The following NFIB variants were observed in gnomAD, a reference collection of about 807,000 sequenced individuals.
NFIB encodes the protein nuclear factor 1 B-type.
NFIB carries 11 observed loss-of-function variants against 61.5 expected under a neutral mutation model. That is an observed-to-expected ratio of 0.18 (90% CI 0.11 to 0.30). The LOEUF is 0.30. Ranked by LOEUF, NFIB falls within the 10% of genes least tolerant of loss-of-function variation. The pLI is 1.00. For synonymous variants in NFIB, 260 were observed against 216.5 expected (o/e 1.20, Z -1.76); for missense variants, 471 against 608.9 (o/e 0.77, Z 2.38).
At chr9:14,210,619 T>C (rs2050207782) in intron 2 of NFIB, among the ~76,000 whole-genome samples, 2 of 151,968 alleles carry the variant, frequency 1.3e-5, no homozygotes, top group Non-Finnish European at 2.9e-5. Context: ...CGTTAGTCAA[T>C]TACTTCTGAT....
chr9:14,192,415 C>T (rs946077146), intron 2 of NFIB, among the ~76,000 whole-genome samples: 1 of 152,138 alleles, frequency 6.6e-6, no homozygotes, highest in Non-Finnish European at 1.5e-5. Context: ...ACCTAAATCT[C>T]ATCCCTCCAC....
At chr9:14,340,546 T>C (rs1305976950) in intron 1 of NFIB, among the ~76,000 whole-genome samples, 4 of 152,204 alleles carry the variant, frequency 2.6e-5, no homozygotes, top group Non-Finnish European at 4.4e-5. Context: ...GATAAAATGT[T>C]TTTCCAAAGA....
chr9:14,138,958 C>T (rs1017725953), intron 6 of NFIB, among the ~76,000 whole-genome samples: 1 of 151,866 alleles, frequency 6.6e-6, no homozygotes, highest in African/African-American at 2.4e-5. Context: ...TTTGAGAATT[C>T]TTTCAGAACC....
chr9:14,180,712 G>A (rs7045263), intron 2 of NFIB: 39,904 of 151,782 alleles, frequency 0.26, 5,599 homozygotes, highest in South Asian at 0.36. Context: ...AAGTTTTGTC[G>A]CCCCAACTAA....
intron 2 of NFIB, among the ~76,000 whole-genome samples, chr9:14,191,889 C>T (rs767582368): frequency 1.6e-4 from 25 of 152,186 alleles, no homozygotes; most frequent in Non-Finnish European, 3.1e-4. Flanking sequence ...CTGACATTGC[C>T]TTCCAATCCA....
chr9:14,227,424 A>AT, intron 2 of NFIB, among the ~76,000 whole-genome samples: 1 of 152,276 alleles, frequency 6.6e-6, no homozygotes, highest in East Asian at 1.9e-4. Context: ...GCATGGATGA[A>AT]TTTTTTAAAA....
the NFIB span, among the ~76,000 whole-genome samples, chr9:14,470,331 A>G: frequency 6.6e-6 from 1 of 152,108 alleles, no homozygotes; most frequent in African/African-American, 2.4e-5. Flanking sequence ...TCCTGTTCTT[A>G]TACAACTCTA....
chr9:14,240,136 A>C (rs1008606824), intron 2 of NFIB, among the ~76,000 whole-genome samples: 1 of 152,168 alleles, frequency 6.6e-6, no homozygotes, highest in Non-Finnish European at 1.5e-5. Flanking sequence ...AATTGCATAC[A>C]TAAAAGTTCC....
chr9:14,442,103 T>C, the NFIB span, among the ~76,000 whole-genome samples: 127,390 of 152,156 alleles, frequency 0.84, 53,528 homozygotes, highest in East Asian at 0.94. Flanking sequence ...TTGCTCAGGA[T>C]CACACAGGCA....
chr9:14,217,753 A>C (rs1053704439), intron 2 of NFIB, among the ~76,000 whole-genome samples: 1 of 151,620 alleles, frequency 6.6e-6, no homozygotes, highest in Non-Finnish European at 1.5e-5. Context: ...CCAAACACTC[A>C]TATTGCTAAT....
the NFIB span, among the ~76,000 whole-genome samples, chr9:14,459,809 C>T: frequency 1.3e-5 from 2 of 151,302 alleles, no homozygotes; most frequent in African/African-American, 2.4e-5. Flanking sequence ...AAATCAAAAC[C>T]GCAATGAGAT....
intron 6 of NFIB, among the ~76,000 whole-genome samples, chr9:14,140,449 C>A (rs1410480380): frequency 1.3e-5 from 2 of 152,064 alleles, no homozygotes; most frequent in African/African-American, 4.8e-5. Flanking sequence ...TCTGAAGTCA[C>A]AAACTTAATA....
intron 1 of NFIB, among the ~76,000 whole-genome samples, chr9:14,309,489 T>C (rs537545203): frequency 5.3e-5 from 8 of 152,334 alleles, no homozygotes; most frequent in Admixed American, 2.6e-4. Flanking sequence ...CCAAATGCCA[T>C]AGAGGAAATC....
At chr9:14,310,387 TG>T (rs1408457547) in intron 1 of NFIB, among the ~76,000 whole-genome samples, 18 of 152,308 alleles carry the variant, frequency 1.2e-4, no homozygotes, top group Admixed American at 5.2e-4. Flanking sequence ...CCTCCAAAAA[TG>T]ACTGTAAATT....
chr9:14,484,122 G>A, the NFIB span, among the ~76,000 whole-genome samples: 5 of 152,268 alleles, frequency 3.3e-5, no homozygotes, highest in African/African-American at 1.2e-4. Flanking sequence ...ATCCTCCAGT[G>A]ACTAAACTTA....
At chr9:14,225,673 G>A (rs1360944274) in intron 2 of NFIB, among the ~76,000 whole-genome samples, 1 of 151,912 alleles carries the variant, frequency 6.6e-6, no homozygotes, top group Admixed American at 6.6e-5. Flanking sequence ...GAAAGTAATA[G>A]TAAGTTTTCC....
chr9:14,364,325 G>A (rs756190928), intron 1 of NFIB, among the ~76,000 whole-genome samples: 5 of 152,158 alleles, frequency 3.3e-5, no homozygotes, highest in Admixed American at 6.5e-5. Flanking sequence ...AAAAGCCAAC[G>A]AAGAGATCAA....
chr9:14,220,623 C>A (rs530404499), intron 2 of NFIB, among the ~76,000 whole-genome samples: 1 of 152,086 alleles, frequency 6.6e-6, no homozygotes, highest in Non-Finnish European at 1.5e-5. Flanking sequence ...ATAGCTCTCA[C>A]ATCTTTTTAT....
At chr9:14,104,133 G>T (rs950002231) in intron 10 of NFIB, among the ~76,000 whole-genome samples, 2 of 151,770 alleles carry the variant, frequency 1.3e-5, no homozygotes, top group East Asian at 3.9e-4. Context: ...GGCTGGTCTC[G>T]AACTCCTGAC....
Sources: gnomAD v4.1 joint callset for allele counts (sites outside exome capture counted in the v4.1 genomes callset) on GRCh38, gnomAD v4.1.1 for gene constraint, MANE v1.5 for transcripts, NCBI Gene and HGNC (gene_info 2026-07-23, HGNC 2026-07-21) for gene names.